Variants in SLC12A5 observed in about 807,000 individuals in gnomAD.
SLC12A5 encodes the protein K-Cl cotransporter 2.
In SLC12A5, 18 loss-of-function variants were observed where a neutral mutation model predicts 124.0. The ratio of observed to expected loss-of-function variants is 0.15; its 90% confidence interval spans 0.10 to 0.22. The LOEUF (loss-of-function observed/expected upper bound fraction) is 0.22, where lower values mean the gene tolerates loss of function less well. Among genes scored for constraint, SLC12A5 ranks in the 10% least tolerant of loss-of-function variants. SLC12A5 has a pLI of 1.00. For synonymous variants in SLC12A5, 589 were observed against 568.0 expected (o/e 1.04, Z -0.53); for missense variants, 867 against 1,478.7 (o/e 0.59, Z 6.78).
chr20:46,022,974 G>A (rs867448752), exon 2 of SLC12A5: 2 of 369,650 alleles, frequency 5.4e-6, no homozygotes, highest in African/African-American at 2.3e-5. Flanking sequence ...AGGAGGAGGA[G>A]GAAGAGGAGG....
intron 17 of SLC12A5, 59 bp downstream of exon 17, chr20:46,049,849 C>T (rs1018302642): frequency 1.4e-6 from 2 of 1,479,488 alleles, no homozygotes; most frequent in African/African-American, 1.4e-5. Context: ...AAGACAGTCT[C>T]TATCCTTTTG....
chr20:46,049,780 G>T lies in SLC12A5; in HGVS notation c.2171G>T (p.Arg724Leu). 1.3e-6 allele frequency: 2 copies of T among 1,594,276 alleles called. No homozygotes were observed. Among genetic ancestry groups the T allele is most frequent in the Non-Finnish European group, 1.7e-6 (2 of 1,170,902 alleles). The part of the protein sequence containing the change: ...TFLENHPQAQ[R>L]AEESIRRLME... ...CTGGAAAATCATCCACAGGCCCAGC[G>T]GGCAGAAGAGGTGAGCAGAGGCCCT... Residue 724 changes from arginine to leucine, a missense_variant, in exon 17 of 26, where the codon CGG becomes CTG. Physicochemically the swap from Arg to Leu is moderately radical, Grantham distance 102. Coordinates refer to ENST00000243964, the MANE Select transcript of SLC12A5 (RefSeq NM_020708.5).
exon 2 of SLC12A5, chr20:46,022,962 G>GGAA (rs1255786045): frequency 1.0e-5 from 4 of 398,208 alleles, no homozygotes; most frequent in Non-Finnish European, 1.7e-5. Flanking sequence ...AGGAGGAGGA[G>GGAA]GAGGAGGAGG....
Position 46,035,560 on chromosome 20 carries a change from T to A in SLC12A5, c.279+25T>A, listed in dbSNP as rs757634814. On this transcript the variant is annotated intron_variant, in intron 3 of 25. Transcript: ENST00000243964. ...GGTGAGGACCTCGGGGGATGAGAAA[T>A]GGAAGAAAAGGGACGGATGGGGGGT... 5.3e-6 allele frequency: 8 copies of A among 1,495,918 alleles called. No individual in the cohort carries two copies. In the African/African-American group the frequency reaches 1.3e-4, roughly 24 times the overall value. 92.7% of individuals were successfully genotyped at this position (1,495,918 alleles called of 1,614,324 possible).
At position 46,056,247 on chromosome 20, in the gene SLC12A5, A is replaced by G. The variant is rs1284519025; in HGVS notation, c.2885A>G (p.Asp962Gly). Reference sequence around the variant, plus strand: ...AACGTCCCAGAAGAGACGGCTGGTGACAGTGAAGAGAAGCCAGAGGAGGAG... The same window carrying G: ...AACGTCCCAGAAGAGACGGCTGGTGGCAGTGAAGAGAAGCCAGAGGAGGAG... ...RLNVPEETAG[D>G]SEEKPEEEVQ... The change falls in exon 22 of 26, where the codon GAC (aspartate) becomes GGC (glycine). Residue 962 changes from aspartate to glycine, a missense_variant. Physicochemically the swap from Asp to Gly is moderately conservative, Grantham distance 94. Transcript: ENST00000243964. This position sits in a 1 kb window ranked among gnomAD's most constrained non-coding sequence, Gnocchi z 4.3. The G allele has an allele frequency of 6.2e-7, 1 of 1,614,058 alleles. No individual in the cohort carries two copies. Among genetic ancestry groups the G allele is most frequent in the Non-Finnish European group, 8.5e-7 (1 of 1,180,024 alleles).
At position 46,056,152 on chromosome 20, in the gene SLC12A5, C is replaced by T. The variant is rs770662324; in HGVS notation, c.2790C>T (p.Ile930=). The T allele has an allele frequency of 3.8e-5, 61 of 1,613,946 alleles. No individual in the cohort carries two copies. The highest frequency in any genetic ancestry group is 5.0e-5 in the Non-Finnish European group (59 of 1,179,982). The change falls in exon 22 of 26, where the codon ATC becomes ATT. Residue 930 remains isoleucine (I), a splice_region_variant and synonymous_variant. Transcript: ENST00000243964. The surrounding 1 kb of genome is among the most constrained non-coding windows in gnomAD (Gnocchi z 4.3). ...CACCAACCTATGTCACTCCCTAGAT[C>T]CAGAGTATCACAGATGAGTCACGAG... The part of the protein sequence containing the change: ...HLTKNERERE[I]QSITDESRGS...
intron 20 of SLC12A5, among the ~76,000 whole-genome samples, chr20:46,054,559 C>T (rs1222803581): frequency 6.6e-6 from 1 of 152,230 alleles, no homozygotes; most frequent in East Asian, 1.9e-4. Flanking sequence ...CACTCACTCT[C>T]CCATTCATTC....
intron 5 of SLC12A5, among the ~76,000 whole-genome samples, 162 bp downstream of exon 5, chr20:46,036,957 C>G (rs540152122): frequency 1.3e-5 from 2 of 151,894 alleles, no homozygotes; most frequent in Admixed American, 1.3e-4. Context: ...GAGGAGGCAG[C>G]TCTCGGTGTT....
chr20:46,055,147 C>T, intron 21 of SLC12A5, 124 bp downstream of exon 21: 2 of 689,238 alleles, frequency 2.9e-6, no homozygotes, highest in African/African-American at 1.8e-5. Context: ...CCTGATTCCC[C>T]CAACCACACC....
intron 6 of SLC12A5, 120 bp downstream of exon 6, chr20:46,037,505 C>A: frequency 8.8e-7 from 1 of 1,134,444 alleles, no homozygotes; most frequent in Non-Finnish European, 1.2e-6. Context: ...TTCAGTAAGG[C>A]CAAAGTCAGA....
At chr20:46,049,942 T>C (rs1568866146) in intron 17 of SLC12A5, 152 bp downstream of exon 17, 3 of 1,041,524 alleles carry the variant, frequency 2.9e-6, no homozygotes, top group East Asian at 5.3e-5. Context: ...CCTAAGAGCC[T>C]AGACAGTGAG....
chr20:46,037,713 T>C (rs2084510887), intron 6 of SLC12A5, among the ~76,000 whole-genome samples: 1 of 151,982 alleles, frequency 6.6e-6, no homozygotes, highest in Non-Finnish European at 1.5e-5. Context: ...CTCAGAGAGG[T>C]GAGATAACTT....
At chr20:46,046,457 C>G (rs762150336) in intron 14 of SLC12A5, 21 bp downstream of exon 14, 1 of 1,605,562 alleles carries the variant, frequency 6.2e-7, no homozygotes, top group Non-Finnish European at 8.5e-7. Flanking sequence ...TGTCCCCACA[C>G]TTCCACTGAG....
intron 17 of SLC12A5, 41 bp from the exon 18 acceptor site, chr20:46,051,634 G>A: frequency 6.4e-7 from 1 of 1,569,530 alleles, no homozygotes; most frequent in Non-Finnish European, 8.6e-7. Flanking sequence ...CCAGGGCCAG[G>A]GAGGCCTGAG....
rs1042137220 is a variant in SLC12A5 at position 46,057,430 on chromosome 20, C to A, written c.3260-84C>A. 6 of 1,600,432 alleles carry A rather than the reference C, an allele frequency of 3.7e-6. No individual in the cohort carries two copies. The highest frequency in any genetic ancestry group is 5.1e-6 in the Non-Finnish European group (6 of 1,167,748). ...AGCACCTCGGACAGGGACACGGGCG[C>A]GAGAGGTCCCCTGGCAGCCGAGCGC... On this transcript the variant is annotated intron_variant, in intron 25 of 25. Transcript: ENST00000243964. This position sits in a 1 kb window ranked among gnomAD's most constrained non-coding sequence, Gnocchi z 7.1.
intron 5 of SLC12A5, 127 bp downstream of exon 5, chr20:46,036,922 G>A: frequency 1.6e-6 from 2 of 1,262,132 alleles, no homozygotes; most frequent in East Asian, 4.8e-5. Context: ...GGCTGTATCT[G>A]TTTTCAGCCC....
intron 11 of SLC12A5, 98 bp downstream of exon 11, chr20:46,044,031 G>T: frequency 1.3e-5 from 16 of 1,258,368 alleles, no homozygotes; most frequent in Non-Finnish European, 1.6e-5. Flanking sequence ...GGACCTGTGT[G>T]AGGGGCCTGT....
At chr20:46,031,615 T>C (rs1227127292) in intron 1 of SLC12A5, among the ~76,000 whole-genome samples, 20 of 152,198 alleles carry the variant, frequency 1.3e-4, no homozygotes, top group Admixed American at 1.3e-3. Context: ...TTCTTTCTCC[T>C]TGGGGTCTGA....
At position 46,045,392 on chromosome 20, in the gene SLC12A5, A is replaced by G. The variant is rs1600598945; in HGVS notation, c.1569+252A>G. ...TTCTCCTTCACCCAGATGGAAGGAT[A>G]AGTGTGTCTTACTTGGGATTTGGCC... On this transcript the variant is annotated intron_variant, in intron 12 of 25. Transcript: ENST00000243964. The surrounding 1 kb of genome is among the most constrained non-coding windows in gnomAD (Gnocchi z 4.9). Among the ~76,000 whole-genome samples, 1 of 152,084 alleles carries G rather than the reference A, an allele frequency of 6.6e-6. No individual in the cohort carries two copies. Among genetic ancestry groups the G allele is most frequent in the East Asian group, 1.9e-4 (1 of 5,184 alleles).
Sources: gnomAD v4.1 joint callset for allele counts (sites outside exome capture counted in the v4.1 genomes callset) on GRCh38, gnomAD v4.1.1 for gene constraint, Gnocchi (gnomAD v3.1) non-coding constraint, MANE v1.5 for transcripts, NCBI Gene and HGNC (gene_info 2026-07-23, HGNC 2026-07-21) for gene names.